The following SYN3 variants were observed in gnomAD, a reference collection of about 807,000 sequenced individuals.
SYN3 encodes synapsin III, also known as synapsin-3.
In SYN3, 35 loss-of-function variants were observed where a neutral mutation model predicts 65.8. The observed-to-expected ratio is 0.53, with a 90% CI of 0.41 to 0.70. The LOEUF (loss-of-function observed/expected upper bound fraction) is 0.70. Ranked by LOEUF, SYN3 falls within the 30% of genes least tolerant of loss-of-function variation. SYN3 has a pLI of 0.00. For missense variants in SYN3, 680 were observed against 749.0 expected, an observed-to-expected ratio of 0.91 and a Z score of 1.08; for synonymous variants, 270 against 292.9, an observed-to-expected ratio of 0.92 and a Z score of 0.80.
chr22:32,632,865 C>T (rs1022523500), intron 6 of SYN3, among the ~76,000 whole-genome samples: 2 of 152,186 alleles, frequency 1.3e-5, no homozygotes, highest in Admixed American at 6.5e-5. Context: ...ACCCGGGGAC[C>T]GCCGTGGATG....
Position 32,858,221 on chromosome 22 carries a change from C to T in SYN3, c.711+6694G>A, listed in dbSNP as rs2048430554. The T allele has an allele frequency of 6.3e-6, 10 of 1,580,124 alleles. No individual in the cohort carries two copies. The Admixed American group carries it at 1.7e-4, about 27-fold the overall frequency. ...CATCAGCTCCCAATGCACTGGGTGC[C>T]AGGCCCTCGGCTGGGAAGGGTATGC... On this transcript the variant is annotated intron_variant, in intron 6 of 13. Transcript: ENST00000358763.
chr22:32,736,582 A>C (rs2147366607), intron 6 of SYN3, among the ~76,000 whole-genome samples: 1 of 152,266 alleles, frequency 6.6e-6, no homozygotes, highest in Non-Finnish European at 1.5e-5. Flanking sequence ...AATGGAAAAA[A>C]CTGAGGCTCA....
chr22:32,623,826 ACT>A (rs1276280210), intron 6 of SYN3, among the ~76,000 whole-genome samples: 1 of 152,110 alleles, frequency 6.6e-6, no homozygotes, highest in Non-Finnish European at 1.5e-5. Flanking sequence ...GGGTGGCTGA[ACT>A]CTGTCGGAAA....
chr22:33,048,563 G>T (rs1162428661), intron 1 of SYN3, among the ~76,000 whole-genome samples: 1 of 152,076 alleles, frequency 6.6e-6, no homozygotes, highest in African/African-American at 2.4e-5. Flanking sequence ...AGAGTTGGTT[G>T]TTAATAGGAG....
At chr22:32,881,768 C>A (rs529548445) in intron 4 of SYN3, among the ~76,000 whole-genome samples, 3 of 152,004 alleles carry the variant, frequency 2.0e-5, no homozygotes, top group Non-Finnish European at 4.4e-5. Flanking sequence ...GAAAAAGGAA[C>A]CTTGAGGCCG....
chr22:32,734,528 G>GACAGACAGACAGACAA (rs1602014085), intron 6 of SYN3, among the ~76,000 whole-genome samples: 1 of 152,152 alleles, frequency 6.6e-6, no homozygotes, highest in Non-Finnish European at 1.5e-5. Flanking sequence ...CAGACAGACA[G>GACAGACAGACAGACAA]ACAGACATCG....
At chr22:32,541,790 T>C in intron 7 of SYN3, 77 bp from the exon 8 acceptor site, 1 of 1,527,458 alleles carries the variant, frequency 6.5e-7, no homozygotes, top group South Asian at 1.2e-5. Context: ...GAACAAGTGC[T>C]CTGTCTATAG....
At chr22:32,937,703 C>T (rs776103443) in intron 3 of SYN3, among the ~76,000 whole-genome samples, 4 of 152,060 alleles carry the variant, frequency 2.6e-5, no homozygotes, top group East Asian at 1.9e-4. Flanking sequence ...CCTCCAACAG[C>T]GGGGATTACA....
intron 1 of SYN3, among the ~76,000 whole-genome samples, chr22:33,027,413 A>G (rs951535851): frequency 2.6e-5 from 4 of 152,062 alleles, no homozygotes; most frequent in African/African-American, 7.2e-5. Flanking sequence ...CCTGGCCAAC[A>G]TGGTGAAACC....
intron 6 of SYN3, among the ~76,000 whole-genome samples, chr22:32,799,621 A>T (rs1461128867): frequency 1.3e-5 from 2 of 152,210 alleles, no homozygotes; most frequent in African/African-American, 4.8e-5. Context: ...TTTGGTCTGG[A>T]AAGTCTTCTA....
chr22:32,663,225 C>T (rs765501083), intron 6 of SYN3, among the ~76,000 whole-genome samples: 7 of 152,112 alleles, frequency 4.6e-5, no homozygotes, highest in Non-Finnish European at 5.9e-5. Context: ...ACGTGCCTTT[C>T]GCCTTCTGCC....
rs1327889255 is a variant in SYN3, at chr22:32,690,171, C to T, written c.712-93435G>A. 5.3e-5 allele frequency among the ~76,000 whole-genome samples: 8 copies of T among 151,832 alleles called. No individual in the cohort carries two copies. The East Asian group carries it at 5.9e-4, about 11-fold the overall frequency. ...AGTCTGGCCAACAGAGCGAGACTGT[C>T]TCAAAAAAAGGAAAAAGGCCCAAGA... On this transcript the variant is annotated intron_variant, in intron 6 of 13. Coordinates refer to ENST00000358763, the MANE Select transcript of SYN3 (RefSeq NM_003490.4).
chr22:32,511,730 TC>T lies in SYN3; in HGVS notation c.*1961del, dbSNP rs1351463801. Among the ~76,000 whole-genome samples the T allele has an allele frequency of 1.3e-5, 2 of 152,202 alleles. No homozygotes were observed. Among genetic ancestry groups the T allele is most frequent in the Non-Finnish European group, 2.9e-5 (2 of 68,046 alleles). ...TTAATCAGGCCTGAGCCTACCAGTCTCCAGCTGCCAAATTATGGCTCCCAAT... is the reference window on the plus strand; with the variant it reads ...TTAATCAGGCCTGAGCCTACCAGTCTCAGCTGCCAAATTATGGCTCCCAAT... On this transcript the variant is annotated 3_prime_UTR_variant, in exon 14 of 14. Transcript: ENST00000358763.
At chr22:32,523,274 A>G (rs973876153) in intron 12 of SYN3, among the ~76,000 whole-genome samples, 3 of 152,190 alleles carry the variant, frequency 2.0e-5, no homozygotes, top group African/African-American at 7.2e-5. Context: ...GCACTTTGGG[A>G]GGCCAAGGCA....
chr22:32,688,406 T>C (rs747981729), intron 6 of SYN3, among the ~76,000 whole-genome samples: 16 of 152,220 alleles, frequency 1.1e-4, no homozygotes, highest in Non-Finnish European at 2.1e-4. Context: ...CAGGAAGTCT[T>C]GCCCGAGGTG....
chr22:32,985,724 C>T (rs1233684850), intron 2 of SYN3, among the ~76,000 whole-genome samples: 2 of 152,120 alleles, frequency 1.3e-5, no homozygotes, highest in Non-Finnish European at 2.9e-5. Context: ...GGGTCTGCTT[C>T]CCCTCCAGTT....
chr22:32,895,866 A>G (rs1015091319), intron 4 of SYN3, among the ~76,000 whole-genome samples: 3 of 152,198 alleles, frequency 2.0e-5, no homozygotes, highest in Admixed American at 2.0e-4. Context: ...TTAGAAGCCC[A>G]GGTTCACCAA....
chr22:32,583,771 A>C (rs868446971), intron 7 of SYN3: 2 of 152,164 alleles, frequency 1.3e-5, no homozygotes, highest in Non-Finnish European at 2.9e-5. Context: ...AGGTAGCACT[A>C]GATACTGACC....
At chr22:32,570,800 T>G (rs1040817945) in intron 7 of SYN3, among the ~76,000 whole-genome samples, 1 of 152,122 alleles carries the variant, frequency 6.6e-6, no homozygotes, top group African/African-American at 2.4e-5. Flanking sequence ...TCAAGCCTGC[T>G]CAGCACTGGG....
Sources: allele counts gnomAD v4.1 joint callset (sites outside exome capture counted in the v4.1 genomes callset), GRCh38; gene constraint gnomAD v4.1.1; transcripts MANE v1.5; gene names NCBI Gene and HGNC (gene_info 2026-07-23, HGNC 2026-07-21).